CPAMD8: variants seen among roughly 807,000 people sequenced by gnomAD.
CPAMD8 encodes C3 and PZP like alpha-2-macroglobulin domain containing 8.
A neutral mutation model predicts 224.7 loss-of-function variants in CPAMD8; 146 were observed. The observed-to-expected ratio is 0.65, with a 90% CI of 0.57 to 0.75. The LOEUF (loss-of-function observed/expected upper bound fraction) is 0.75. Ranked by LOEUF, CPAMD8 falls within the 30% of genes least tolerant of loss-of-function variation. The pLI, the probability that CPAMD8 is intolerant of heterozygous loss-of-function variation, is 0.00. For missense variants in CPAMD8, 2,301 were observed against 2,537.5 expected (o/e 0.91, Z 2.00); for synonymous variants, 966 against 1,044.6 (o/e 0.92, Z 1.45).
chr19:16,972,495 C>T (rs1212693628), intron 17 of CPAMD8, among the ~76,000 whole-genome samples: 3 of 152,008 alleles, frequency 2.0e-5, no homozygotes, highest in Admixed American at 1.3e-4. Context: ...TGCAGTGGCG[C>T]GATCTCGGCT....
intron 13 of CPAMD8, among the ~76,000 whole-genome samples, chr19:16,989,432 A>G (rs990311008): frequency 3.3e-5 from 5 of 152,080 alleles, no homozygotes; most frequent in East Asian, 1.9e-4. Context: ...GATTACAGGC[A>G]CGCACCACCA....
intron 27 of CPAMD8, 137 bp from the exon 28 acceptor site, chr19:16,914,950 G>A (rs1318770768): frequency 3.1e-6 from 2 of 647,232 alleles, no homozygotes; most frequent in African/African-American, 3.7e-5. Flanking sequence ...GGTCCCATCT[G>A]TCCCCACAGG....
chr19:16,925,786 C>G (rs145821063), intron 25 of CPAMD8, among the ~76,000 whole-genome samples: 223 of 151,350 alleles, frequency 1.5e-3, no homozygotes, highest in African/African-American at 4.8e-3. Context: ...TGGAGTCTCA[C>G]TCCATCACCC....
intron 23 of CPAMD8, among the ~76,000 whole-genome samples, chr19:16,929,706 TTC>T (rs1256081710): frequency 6.6e-6 from 1 of 152,024 alleles, no homozygotes; most frequent in Non-Finnish European, 1.5e-5. Flanking sequence ...ACAAGCAAGA[TTC>T]TCTCTCTAAA....
At chr19:16,929,628 A>C (rs1412644765) in intron 23 of CPAMD8, among the ~76,000 whole-genome samples, 2 of 152,152 alleles carry the variant, frequency 1.3e-5, no homozygotes, top group Non-Finnish European at 2.9e-5. Context: ...TGAGCCCAGG[A>C]GTTCAAGGCT....
chr19:17,016,118 T>C (rs969754656), intron 3 of CPAMD8, among the ~76,000 whole-genome samples: 50 of 152,132 alleles, frequency 3.3e-4, no homozygotes, highest in African/African-American at 1.1e-3. Context: ...TAATTTTTTA[T>C]TTTCAGTTTG....
chr19:16,924,133 G>A (rs944526114), intron 26 of CPAMD8, among the ~76,000 whole-genome samples: 6 of 152,052 alleles, frequency 3.9e-5, no homozygotes, highest in African/African-American at 1.2e-4. Context: ...CCAGCTCTGC[G>A]GACACCTTTA....
chr19:16,899,281 C>T lies in CPAMD8; in HGVS notation c.4848+194G>A, dbSNP rs1351414370. The stretch of plus-strand genomic sequence containing the variant: ...CATGTTGCCCAGGCTGGTCTCGAAC[C>T]CCTGAGCTCAAGTGATCCTCCCACC... On this transcript the variant is annotated intron_variant, in intron 37 of 41. Coordinates refer to ENST00000443236, the MANE Select transcript of CPAMD8 (RefSeq NM_015692.5). The surrounding 1 kb of genome is among the most constrained non-coding windows in gnomAD (Gnocchi z 5.4). Among the ~76,000 whole-genome samples the T allele has an allele frequency of 6.6e-6, 1 of 152,050 alleles. No homozygotes were observed. Among genetic ancestry groups the T allele is most frequent in the Non-Finnish European group, 1.5e-5 (1 of 68,006 alleles).
chr19:16,953,792 C>A (rs2054376455), intron 19 of CPAMD8, among the ~76,000 whole-genome samples: 2 of 151,898 alleles, frequency 1.3e-5, no homozygotes, highest in Admixed American at 6.6e-5. Flanking sequence ...ACAAAAACAG[C>A]AACATGATTC....
chr19:17,018,717 T>TACACACACACACACACAC (rs367984655), intron 3 of CPAMD8, among the ~76,000 whole-genome samples: 5 of 136,732 alleles, frequency 3.7e-5, no homozygotes, highest in African/African-American at 1.4e-4. Context: ...CTACTAAAAA[T>TACACACACACACACACAC]ACACACACAC....
Position 17,011,757 on chromosome 19 carries a change from C to T in CPAMD8, c.268G>A (p.Val90Met). 1 of 1,612,510 alleles carries T rather than the reference C, an allele frequency of 6.2e-7. No individual in the cohort carries two copies. The highest frequency in any genetic ancestry group is 8.5e-7 in the Non-Finnish European group (1 of 1,179,492). Reference protein sequence around the residue: ...ILDKGTIKLKVPTGLRGQALL... With the variant: ...ILDKGTIKLKMPTGLRGQALL... ...GCTTGGCCCCGGAGGCCCGTGGGCA[C>T]CTGCAGGCAGAGGAAGGAGCTTTGG... is the stretch of plus-strand genomic sequence containing the variant. The change falls in exon 4 of 42, where the codon GTG becomes ATG. Residue 90 changes from valine (V) to methionine (M), a missense_variant and splice_region_variant. This residue lies in a region of CPAMD8 where 283 missense variants were observed against 340.6 expected (regional missense o/e 0.83). Coordinates refer to ENST00000443236, the MANE Select transcript of CPAMD8 (RefSeq NM_015692.5).
At chr19:16,990,033 C>T (rs1216992806) in intron 12 of CPAMD8, among the ~76,000 whole-genome samples, 1 of 152,178 alleles carries the variant, frequency 6.6e-6, no homozygotes, top group African/African-American at 2.4e-5. Context: ...AGGTGGATCA[C>T]CTGAGGCCAG....
intron 10 of CPAMD8, among the ~76,000 whole-genome samples, chr19:16,998,836 C>T (rs2056217486): frequency 6.6e-6 from 1 of 152,052 alleles, no homozygotes; most frequent in African/African-American, 2.4e-5. Flanking sequence ...GGAAAGAACC[C>T]AAGAGAAACA....
At chr19:16,971,182 GTTTGTTTTGT>G (rs892980580) in intron 17 of CPAMD8, 149 bp from the exon 18 acceptor site, 5 of 659,552 alleles carry the variant, frequency 7.6e-6, no homozygotes, top group African/African-American at 5.6e-5. Context: ...GCTTTTTTGG[GTTTGTTTTGT>G]TTTGTTTTGT....
chr19:17,010,796 G>C (rs1011526487), intron 5 of CPAMD8, among the ~76,000 whole-genome samples: 3 of 152,120 alleles, frequency 2.0e-5, no homozygotes, highest in Non-Finnish European at 4.4e-5. Context: ...GCTGAGGCGG[G>C]TGTATCACCT....
intron 14 of CPAMD8, among the ~76,000 whole-genome samples, chr19:16,978,070 A>G (rs937813642): frequency 2.6e-5 from 4 of 152,248 alleles, no homozygotes; most frequent in African/African-American, 4.8e-5. Flanking sequence ...GGCACTCCCA[A>G]ATACTCTACG....
rs118120128 is a variant in CPAMD8 at position 16,922,393 on chromosome 19, G to A, written c.3548-407C>T. Among the ~76,000 whole-genome samples the A allele has an allele frequency of 3.6e-4, 55 of 151,580 alleles. No homozygotes were observed. The East Asian group carries it at 9.6e-3, about 26-fold the overall frequency. ...GCAGCGCACCACATCTGGGGTCCCT[G>A]AAACTGCCCCACATCACATCTAGGG... On this transcript the variant is annotated intron_variant, in intron 26 of 41. Transcript: ENST00000443236.
intron 8 of CPAMD8, 184 bp from the exon 9 acceptor site, chr19:17,002,534 T>C: frequency 2.0e-6 from 1 of 500,962 alleles, no homozygotes; most frequent in Non-Finnish European, 3.6e-6. Flanking sequence ...CTATTTCTCA[T>C]CTTTGGGGGA....
chr19:16,980,239 C>T (rs2055459840), intron 14 of CPAMD8, among the ~76,000 whole-genome samples: 1 of 152,168 alleles, frequency 6.6e-6, no homozygotes, highest in Non-Finnish European at 1.5e-5. Context: ...AGTGCAAGAG[C>T]CTAGTCTGTG....
Sources: gnomAD v4.1 joint callset for allele counts (sites outside exome capture counted in the v4.1 genomes callset) on GRCh38, gnomAD v4.1.1 for gene constraint, gnomAD v4.1.1 regional missense constraint, Gnocchi (gnomAD v3.1) non-coding constraint, MANE v1.5 for transcripts, NCBI Gene and HGNC (gene_info 2026-07-23, HGNC 2026-07-21) for gene names.